Variants in MAP4K4 observed in about 807,000 individuals in gnomAD.
MAP4K4 encodes mitogen-activated protein kinase kinase kinase kinase 4.
A neutral mutation model predicts 189.6 loss-of-function variants in MAP4K4; 38 were observed. The observed-to-expected ratio is 0.20, with a 90% CI of 0.15 to 0.26. MAP4K4 has a LOEUF of 0.26. MAP4K4 is among the 10% of genes least tolerant of loss of function. The pLI is 1.00. For synonymous variants in MAP4K4, 610 were observed against 624.3 expected, an observed-to-expected ratio of 0.98 and a Z score of 0.34; for missense variants, 1,054 against 1,726.9, an observed-to-expected ratio of 0.61 and a Z score of 6.91.
At chr2:101,725,039 C>T (rs545100871) in intron 2 of MAP4K4, among the ~76,000 whole-genome samples, 20 of 152,210 alleles carry the variant, frequency 1.3e-4, no homozygotes, top group African/African-American at 4.6e-4. Flanking sequence ...GTAGAGTAGG[C>T]CATACCATTG....
chr2:101,782,667 T>C (rs1055825557), intron 2 of MAP4K4, among the ~76,000 whole-genome samples: 4 of 152,168 alleles, frequency 2.6e-5, no homozygotes, highest in African/African-American at 9.7e-5. Flanking sequence ...GTTTCCTTAC[T>C]CCTGCTCTAT....
At chr2:101,817,900 G>A (rs1231032384) in intron 3 of MAP4K4, among the ~76,000 whole-genome samples, 2 of 152,106 alleles carry the variant, frequency 1.3e-5, no homozygotes, top group Non-Finnish European at 2.9e-5. Context: ...GGGGGGTGCG[G>A]ATTAATTTTA....
chr2:101,833,391 C>T (rs550868243), intron 7 of MAP4K4, among the ~76,000 whole-genome samples: 8 of 152,196 alleles, frequency 5.3e-5, no homozygotes, highest in Non-Finnish European at 8.8e-5. Flanking sequence ...GAGGCCGAGG[C>T]GGGTGGATCA....
chr2:101,797,898 T>TTTTTTTTC (rs2093937184), intron 3 of MAP4K4, among the ~76,000 whole-genome samples: 4 of 128,326 alleles, frequency 3.1e-5, no homozygotes, highest in Non-Finnish European at 6.5e-5. Flanking sequence ...AGTTTTTTTT[T>TTTTTTTTC]TTTTTTTTTT....
chr2:101,794,689 G>A (rs1453129186), intron 3 of MAP4K4, among the ~76,000 whole-genome samples: 1 of 152,118 alleles, frequency 6.6e-6, no homozygotes, highest in Non-Finnish European at 1.5e-5. Context: ...ATCTTTGCTT[G>A]TGCCAAGAAT....
chr2:101,857,650 G>A (rs533996483), intron 13 of MAP4K4, among the ~76,000 whole-genome samples: 4 of 152,306 alleles, frequency 2.6e-5, no homozygotes, highest in African/African-American at 9.6e-5. Context: ...CACAAGAGAC[G>A]TAGATCCCAG....
At chr2:101,843,455 A>G (rs1253159484) in intron 11 of MAP4K4, among the ~76,000 whole-genome samples, 1 of 152,226 alleles carries the variant, frequency 6.6e-6, no homozygotes, top group Non-Finnish European at 1.5e-5. Context: ...AACTGATTTC[A>G]TAAGCAATGT....
At chr2:101,806,458 C>T (rs1277811774) in intron 3 of MAP4K4, among the ~76,000 whole-genome samples, 1 of 151,662 alleles carries the variant, frequency 6.6e-6, no homozygotes, top group African/African-American at 2.4e-5. Flanking sequence ...TCACTGCAAC[C>T]TCCACCTCCC....
intron 24 of MAP4K4, 65 bp downstream of exon 24, chr2:101,871,750 T>C: frequency 7.0e-7 from 1 of 1,436,092 alleles, no homozygotes; most frequent in Non-Finnish European, 9.3e-7. Context: ...GGAGTTAGTT[T>C]GCAAAGGAGA....
chr2:101,866,383 C>G (rs890076916), intron 18 of MAP4K4, 45 bp from the exon 19 acceptor site: 1 of 1,573,328 alleles, frequency 6.4e-7, no homozygotes, highest in Non-Finnish European at 8.7e-7. Flanking sequence ...GGTGCTGCAT[C>G]TAGAGATGAC....
At chr2:101,735,713 G>T (rs189941781) in intron 2 of MAP4K4, among the ~76,000 whole-genome samples, 16 of 152,326 alleles carry the variant, frequency 1.1e-4, no homozygotes, top group Non-Finnish European at 1.5e-4. Flanking sequence ...TCCAGTAATA[G>T]TAGGGTGGGT....
intron 2 of MAP4K4, among the ~76,000 whole-genome samples, chr2:101,773,751 A>C (rs1178045011): frequency 6.6e-6 from 1 of 152,046 alleles, no homozygotes; most frequent in Non-Finnish European, 1.5e-5. Context: ...TTACCTTCCC[A>C]GCCTCTGGTA....
At chr2:101,709,548 A>G (rs1236766817) in intron 2 of MAP4K4, among the ~76,000 whole-genome samples, 1 of 152,334 alleles carries the variant, frequency 6.6e-6, no homozygotes, top group Admixed American at 6.5e-5. Context: ...TCTTATCGCT[A>G]TGAAGACAAA....
rs1442916831 is a variant in MAP4K4 at position 101,834,591 on chromosome 2, C to T, written c.694+128C>T. ...TGGTGGACTGTTTAGATGAAGGCAACATAAATATAGTCAAGTTTTAGATGT... is the reference window on the plus strand; with the variant it reads ...TGGTGGACTGTTTAGATGAAGGCAATATAAATATAGTCAAGTTTTAGATGT... On this transcript the variant is annotated intron_variant, in intron 8 of 32. Transcript: ENST00000324219. 5.8e-6 allele frequency: 4 copies of T among 685,336 alleles called. No individual in the cohort carries two copies. In the East Asian group the frequency reaches 1.1e-4, roughly 19 times the overall value. 42.5% of individuals were successfully genotyped at this position (685,336 alleles called of 1,614,324 possible). A position where few individuals can be genotyped will look rare whatever the true frequency, so the allele number is the denominator to read the frequency against.
At chr2:101,836,302 G>A (rs538797422) in intron 9 of MAP4K4, among the ~76,000 whole-genome samples, 5 of 152,264 alleles carry the variant, frequency 3.3e-5, no homozygotes, top group East Asian at 1.9e-4. Context: ...GAAAGAAAGC[G>A]ACCGGGCGCG....
At chr2:101,865,768 C>A (rs534387403) in intron 18 of MAP4K4, among the ~76,000 whole-genome samples, 1 of 152,188 alleles carries the variant, frequency 6.6e-6, no homozygotes. Context: ...CTAAAGTTAG[C>A]CTTCTGCGCA....
exon 12 of MAP4K4, chr2:101,844,217 A>G (rs751628814): frequency 6.2e-7 from 1 of 1,600,536 alleles, no homozygotes; most frequent in South Asian, 1.1e-5. Context: ...CAGGAGCAAC[A>G]GCTCCGGGAG....
rs61741751 is a variant in MAP4K4, at chr2:101,859,758, C to T, written c.1598C>T (p.Pro533Leu). 1.7e-4 allele frequency: 281 copies of T among 1,610,054 alleles called. 1 individual carries two copies. The African/African-American group carries it at 3.1e-3, about 18-fold the overall frequency. The change falls in exon 15 of 33, where the codon CCG (proline) becomes CTG (leucine). Residue 533 changes from proline to leucine, a missense_variant. Transcript: ENST00000324219. ...CAGCATGACCATAGGAGGCCGCACCCGCAGCACTCGCAGCAGCCGCCACCA... is the reference window on the plus strand; with the variant it reads ...CAGCATGACCATAGGAGGCCGCACCTGCAGCACTCGCAGCAGCCGCCACCA...
chr2:101,706,824 A>G (rs1186653648), intron 2 of MAP4K4, among the ~76,000 whole-genome samples: 3 of 152,232 alleles, frequency 2.0e-5, no homozygotes, highest in Admixed American at 6.5e-5. Context: ...AAGAAAGGGT[A>G]TATGGGTATT....
Sources: gnomAD v4.1 joint callset for allele counts (sites outside exome capture counted in the v4.1 genomes callset) on GRCh38, gnomAD v4.1.1 for gene constraint, MANE v1.5 for transcripts, NCBI Gene and HGNC (gene_info 2026-07-23, HGNC 2026-07-21) for gene names.